The following NAV2 variants were observed in gnomAD, a reference collection of about 807,000 sequenced individuals.
NAV2 encodes the protein helicase, APC down-regulated 1.
In NAV2, 54 loss-of-function variants were observed where a neutral mutation model predicts 223.2. The observed-to-expected ratio is 0.24, with a 90% CI of 0.19 to 0.30. The LOEUF (loss-of-function observed/expected upper bound fraction) is 0.30, where lower values mean the gene tolerates loss of function less well. Among genes scored for constraint, NAV2 ranks in the 10% least tolerant of loss-of-function variants. The pLI is 1.00. For synonymous variants in NAV2, 1,279 were observed against 1,239.3 expected, an observed-to-expected ratio of 1.03 and a Z score of -0.67; for missense variants, 2,806 against 3,147.5, an observed-to-expected ratio of 0.89 and a Z score of 2.60.
chr11:19,598,894 G>A (rs933834388), intron 1 of NAV2, among the ~76,000 whole-genome samples: 1 of 152,168 alleles, frequency 6.6e-6, no homozygotes, highest in Non-Finnish European at 1.5e-5. Flanking sequence ...GTGTGTGTGT[G>A]TGTGCATTTG....
intron 11 of NAV2, among the ~76,000 whole-genome samples, chr11:20,004,433 A>C (rs1202066220): frequency 6.6e-6 from 1 of 152,080 alleles, no homozygotes; most frequent in Non-Finnish European, 1.5e-5. Context: ...ACTGGCGAGG[A>C]GCTTACAGCA....
At chr11:20,035,118 G>A (rs904502072) in intron 11 of NAV2, among the ~76,000 whole-genome samples, 10 of 151,998 alleles carry the variant, frequency 6.6e-5, no homozygotes, top group Non-Finnish European at 1.5e-4. Flanking sequence ...GACCATTAGG[G>A]AGCAGAAGCA....
intron 1 of NAV2, among the ~76,000 whole-genome samples, chr11:19,635,737 T>A (rs2047479200): frequency 6.6e-6 from 1 of 152,200 alleles, no homozygotes; most frequent in South Asian, 2.1e-4. Flanking sequence ...GGGAGGGCAT[T>A]AATTTATTCA....
intron 3 of NAV2, among the ~76,000 whole-genome samples, chr11:19,843,758 TA>T (rs34850023): frequency 0.64 from 87,119 of 135,270 alleles, 26,770 homozygotes; most frequent in Middle Eastern, 0.71. Flanking sequence ...TCCAGAAATC[TA>T]AAAAAAAAAA....
At chr11:19,571,782 C>T (rs2045434681) in intron 1 of NAV2, among the ~76,000 whole-genome samples, 1 of 152,070 alleles carries the variant, frequency 6.6e-6, no homozygotes, top group South Asian at 2.1e-4. Flanking sequence ...AAACGTGTAG[C>T]TCAGAAAAGC....
At chr11:19,529,062 G>GCA (rs150148924) in intron 1 of NAV2, among the ~76,000 whole-genome samples, 195 of 150,792 alleles carry the variant, frequency 1.3e-3, no homozygotes, top group Middle Eastern at 6.8e-3. Context: ...GCACGTGCGT[G>GCA]CACACACACA....
intron 1 of NAV2, among the ~76,000 whole-genome samples, chr11:19,424,582 G>T (rs1366874070): frequency 5.3e-5 from 8 of 152,148 alleles, no homozygotes; most frequent in Admixed American, 2.6e-4. Flanking sequence ...ACGGAGTCTT[G>T]CTGTCTTCTA....
chr11:19,379,203 AG>A, intron 1 of NAV2, among the ~76,000 whole-genome samples: 1 of 152,290 alleles, frequency 6.6e-6, no homozygotes, highest in Middle Eastern at 3.4e-3. Flanking sequence ...AGTGTGGCTC[AG>A]GGTCAGACAG....
At chr11:19,793,020 C>T (rs1021401909) in intron 1 of NAV2, among the ~76,000 whole-genome samples, 4 of 151,610 alleles carry the variant, frequency 2.6e-5, no homozygotes, top group Non-Finnish European at 4.4e-5. Flanking sequence ...ACCAGCCTGG[C>T]CAACATGGCG....
chr11:20,074,275 TG>T (rs1564991679), intron 22 of NAV2, among the ~76,000 whole-genome samples: 3 of 152,256 alleles, frequency 2.0e-5, no homozygotes, highest in Admixed American at 6.5e-5. Context: ...AGTTCTAATT[TG>T]ATTGCACTGT....
intron 31 of NAV2, 31 bp from the exon 32 acceptor site, chr11:20,100,906 T>C (rs763219223): frequency 2.5e-6 from 4 of 1,594,484 alleles, no homozygotes; most frequent in East Asian, 4.5e-5. Flanking sequence ...TCTACAGGGC[T>C]TCAGATGATT....
intron 1 of NAV2, among the ~76,000 whole-genome samples, chr11:19,776,332 G>C (rs139835047): frequency 6.6e-5 from 10 of 152,308 alleles, no homozygotes; most frequent in African/African-American, 2.4e-4. Flanking sequence ...CAGGAAGGTG[G>C]GGAGGTCCCC....
intron 1 of NAV2, among the ~76,000 whole-genome samples, chr11:19,737,938 T>G (rs943815765): frequency 2.0e-5 from 3 of 152,252 alleles, no homozygotes; most frequent in Non-Finnish European, 4.4e-5. Context: ...AAAAATCTAC[T>G]GTCTCAGCAG....
chr11:20,049,439 ATG>A lies in NAV2; in HGVS notation c.4370+245_4370+246del. On this transcript the variant is annotated intron_variant, in intron 15 of 37. Coordinates refer to ENST00000349880, the MANE Select transcript of NAV2 (RefSeq NM_145117.5). Reference sequence around the variant, plus strand: ...TGCTCAGTCTCTCGGGGGCAGATTTATGCTACCATTTGAAATGGCATTCAGCT... The same window carrying A: ...TGCTCAGTCTCTCGGGGGCAGATTTACTACCATTTGAAATGGCATTCAGCT... The A allele has an allele frequency of 5.5e-6, 3 of 541,982 alleles. No homozygotes were observed. In the South Asian group the frequency reaches 8.2e-5, roughly 15 times the overall value. 33.6% of individuals were successfully genotyped at this position (541,982 alleles called of 1,614,324 possible).
intron 4 of NAV2, among the ~76,000 whole-genome samples, chr11:19,878,924 T>G (rs1400687461): frequency 1.3e-5 from 2 of 152,150 alleles, no homozygotes; most frequent in East Asian, 3.9e-4. Context: ...CACGTCTGCC[T>G]TTTCCCCCTT....
intron 1 of NAV2, among the ~76,000 whole-genome samples, chr11:19,357,952 C>G (rs1853712900): frequency 6.6e-6 from 1 of 152,114 alleles, no homozygotes; most frequent in South Asian, 2.1e-4. Context: ...TCTGTGGCAT[C>G]CCCTATAACC....
intron 1 of NAV2, among the ~76,000 whole-genome samples, chr11:19,546,704 ACTAT>A (rs1000884742): frequency 7.2e-5 from 11 of 152,128 alleles, no homozygotes; most frequent in African/African-American, 2.7e-4. Context: ...TTTTGAGTAC[ACTAT>A]CTCTTAACTT....
chr11:19,509,437 C>T (rs971654317), intron 1 of NAV2, among the ~76,000 whole-genome samples: 3 of 152,192 alleles, frequency 2.0e-5, no homozygotes, highest in African/African-American at 7.2e-5. Flanking sequence ...GTGTCCTGTG[C>T]ACCCAGGGAA....
intron 1 of NAV2, among the ~76,000 whole-genome samples, chr11:19,551,613 G>T (rs1259479042): frequency 6.6e-6 from 1 of 152,204 alleles, no homozygotes; most frequent in Non-Finnish European, 1.5e-5. Context: ...GTTATACACC[G>T]CGTGGTTCAG....
Sources: gnomAD v4.1 joint callset for allele counts (sites outside exome capture counted in the v4.1 genomes callset) on GRCh38, gnomAD v4.1.1 for gene constraint, MANE v1.5 for transcripts, NCBI Gene and HGNC (gene_info 2026-07-23, HGNC 2026-07-21) for gene names.